Variants in LRRTM3 observed in about 807,000 individuals in gnomAD.
LRRTM3 encodes the protein leucine rich repeat transmembrane neuronal 3.
A neutral mutation model predicts 44.7 loss-of-function variants in LRRTM3; 24 were observed. The observed-to-expected ratio is 0.54, with a 90% CI of 0.39 to 0.76. LRRTM3 has a LOEUF of 0.76. Ranked by LOEUF, LRRTM3 falls within the 30% of genes least tolerant of loss-of-function variation. The pLI, the probability that LRRTM3 is intolerant of heterozygous loss-of-function variation, is 0.00. For missense variants in LRRTM3, 587 were observed against 702.2 expected (o/e 0.84, Z 1.85); for synonymous variants, 277 against 278.7 (o/e 0.99, Z 0.06).
At position 67,093,679 on chromosome 10, in the gene LRRTM3, C is replaced by A. The variant is rs576425505; in HGVS notation, c.1537-3908C>A. On this transcript the variant is annotated intron_variant, in intron 2 of 2. Transcript: ENST00000361320. Reference sequence around the variant, plus strand: ...CAACAAAACTGAAACTCCCCCCCAACAAAAGATTGCTGAATTCACAGTCGT... The same window carrying A: ...CAACAAAACTGAAACTCCCCCCCAAAAAAAGATTGCTGAATTCACAGTCGT... Among the ~76,000 whole-genome samples the A allele has an allele frequency of 2.0e-5, 3 of 151,954 alleles. No homozygotes were observed. The East Asian group carries it at 5.8e-4, about 30-fold the overall frequency.
At chr10:67,093,763 T>G (rs1857806407) in intron 2 of LRRTM3, among the ~76,000 whole-genome samples, 1 of 152,078 alleles carries the variant, frequency 6.6e-6, no homozygotes, top group Admixed American at 6.6e-5. Flanking sequence ...ATGCAGATTT[T>G]AATTTCTTAT....
At chr10:67,093,106 G>GTA (rs1857753944) in intron 2 of LRRTM3, among the ~76,000 whole-genome samples, 1 of 151,900 alleles carries the variant, frequency 6.6e-6, no homozygotes, top group African/African-American at 2.4e-5. Context: ...GTTTAGCAGG[G>GTA]TAAATTCATG....
chr10:66,947,541 C>T (rs149860197), intron 2 of LRRTM3, among the ~76,000 whole-genome samples: 1 of 152,098 alleles, frequency 6.6e-6, no homozygotes, highest in East Asian at 1.9e-4. Context: ...ACTCTGTCTC[C>T]CTCTCCCCTG....
intron 2 of LRRTM3, among the ~76,000 whole-genome samples, chr10:66,961,481 C>T (rs2132772495): frequency 6.6e-6 from 1 of 152,264 alleles, no homozygotes; most frequent in East Asian, 1.9e-4. Flanking sequence ...TTCTTCCAAC[C>T]TCACTGGGAC....
chr10:67,050,842 T>A lies in LRRTM3; in HGVS notation c.1537-46745T>A, dbSNP rs763502812. ...TCATCTATTCTGATATTTCAGTTTC[T>A]TAAAATATTTATGCAAAGTTTTGTT... On this transcript the variant is annotated intron_variant, in intron 2 of 2. Coordinates refer to ENST00000361320, the MANE Select transcript of LRRTM3 (RefSeq NM_178011.5). Among the ~76,000 whole-genome samples, 12 of 152,352 alleles carry A rather than the reference T, an allele frequency of 7.9e-5. No homozygotes were observed. The East Asian group carries it at 2.3e-3, about 29-fold the overall frequency.
At chr10:66,997,716 C>T (rs1851433929) in intron 2 of LRRTM3, among the ~76,000 whole-genome samples, 1 of 152,050 alleles carries the variant, frequency 6.6e-6, no homozygotes, top group African/African-American at 2.4e-5. Context: ...AATCTTATAC[C>T]TTATTCCGTC....
chr10:66,932,922 A>G (rs534989629), intron 2 of LRRTM3, among the ~76,000 whole-genome samples: 1 of 152,222 alleles, frequency 6.6e-6, no homozygotes, highest in Non-Finnish European at 1.5e-5. Flanking sequence ...TAAGACCTAA[A>G]TTCAAGTTCC....
At chr10:67,093,852 C>A (rs914947025) in intron 2 of LRRTM3, among the ~76,000 whole-genome samples, 1 of 151,934 alleles carries the variant, frequency 6.6e-6, no homozygotes, top group African/African-American at 2.4e-5. Context: ...GGCACTAACA[C>A]AAATTGTCAT....
intron 2 of LRRTM3, among the ~76,000 whole-genome samples, chr10:66,982,494 T>C (rs1412263436): frequency 1.3e-5 from 2 of 152,202 alleles, no homozygotes; most frequent in Non-Finnish European, 2.9e-5. Context: ...GTTTGGTGTA[T>C]AGCAGTTACT....
At chr10:67,009,367 C>T (rs1852188425) in intron 2 of LRRTM3, among the ~76,000 whole-genome samples, 1 of 151,670 alleles carries the variant, frequency 6.6e-6, no homozygotes, top group Non-Finnish European at 1.5e-5. Context: ...ACTTGGTTTT[C>T]AGTCACATTT....
In LRRTM3 at chr10:66,927,152, A is replaced by G; in HGVS notation, c.236A>G (p.Asn79Ser). 2 of 1,614,200 alleles carry G rather than the reference A, an allele frequency of 1.2e-6. No homozygotes were observed. Among genetic ancestry groups the G allele is most frequent in the Admixed American group, 1.7e-5 (1 of 60,032 alleles). Reference protein sequence around the residue: ...RYNSLQKLKYNQFKGLNQLTW... With the variant: ...RYNSLQKLKYSQFKGLNQLTW... ...AACAGCCTTCAAAAACTTAAGTATA[A>G]TCAATTTAAAGGGCTCAACCAGCTC... is the stretch of plus-strand genomic sequence containing the variant. Residue 79 changes from asparagine to serine, a missense_variant, in exon 2 of 3, where the codon AAT (asparagine) becomes AGT (serine). This residue lies in a region of LRRTM3 where 222 missense variants were observed against 323.3 expected (regional missense o/e 0.69). Coordinates refer to ENST00000361320, the MANE Select transcript of LRRTM3 (RefSeq NM_178011.5). The surrounding 1 kb of genome is among the most constrained non-coding windows in gnomAD (Gnocchi z 4.7).
chr10:66,978,824 T>G (rs1850233709), intron 2 of LRRTM3, among the ~76,000 whole-genome samples: 1 of 151,330 alleles, frequency 6.6e-6, no homozygotes, highest in South Asian at 2.1e-4. Context: ...TGGTCCTAAA[T>G]TATTGCTTAG....
intron 2 of LRRTM3, among the ~76,000 whole-genome samples, chr10:67,050,750 T>G (rs1855041220): frequency 6.6e-6 from 1 of 152,238 alleles, no homozygotes; most frequent in South Asian, 2.1e-4. Flanking sequence ...ATCAAATTAT[T>G]TACTTCGATT....
In LRRTM3 at chr10:66,928,362, T is replaced by C. The variant is rs372019114; in HGVS notation, c.1446T>C (p.Asp482=). Reference sequence around the variant, plus strand: ...CCAGCACCCAGGAATTTTATGTAGATTATAAACCCACCAACACGGAGACCA... The same window carrying C: ...CCAGCACCCAGGAATTTTATGTAGACTATAAACCCACCAACACGGAGACCA... The part of the protein sequence containing the change: ...MTPSTQEFYV[D]YKPTNTETSE... Residue 482 remains aspartate, a synonymous_variant, in exon 2 of 3, where the codon GAT becomes GAC. Coordinates refer to ENST00000361320, the MANE Select transcript of LRRTM3 (RefSeq NM_178011.5). 18 of 1,614,066 alleles carry C rather than the reference T, an allele frequency of 1.1e-5. No homozygotes were observed. The African/African-American group carries it at 2.4e-4, about 22-fold the overall frequency.
chr10:66,942,293 A>G (rs901956679), intron 2 of LRRTM3, among the ~76,000 whole-genome samples: 1 of 152,188 alleles, frequency 6.6e-6, no homozygotes, highest in African/African-American at 2.4e-5. Flanking sequence ...AATGTCCTTG[A>G]CGCTTACCAA....
intron 2 of LRRTM3, among the ~76,000 whole-genome samples, chr10:67,079,300 T>C (rs748043864): frequency 3.9e-5 from 6 of 152,178 alleles, no homozygotes; most frequent in Non-Finnish European, 7.3e-5. Flanking sequence ...ACAGACATCA[T>C]GGCCATGTAA....
At chr10:67,035,527 T>C (rs2133124909) in intron 2 of LRRTM3, among the ~76,000 whole-genome samples, 1 of 152,348 alleles carries the variant, frequency 6.6e-6, no homozygotes, top group South Asian at 2.1e-4. Flanking sequence ...ACTTGTTTTT[T>C]AATGTGAATC....
At chr10:67,054,356 G>A (rs1855294624) in intron 2 of LRRTM3, among the ~76,000 whole-genome samples, 1 of 152,120 alleles carries the variant, frequency 6.6e-6, no homozygotes, top group African/African-American at 2.4e-5. Context: ...GTTCCTTTAA[G>A]GGTAAGCTTT....
intron 2 of LRRTM3, among the ~76,000 whole-genome samples, chr10:67,021,445 T>C (rs780128820): frequency 2.0e-5 from 3 of 152,080 alleles, no homozygotes; most frequent in Non-Finnish European, 4.4e-5. Flanking sequence ...ATATAAAATT[T>C]TAAATACCGT....
Sources: gnomAD v4.1 joint callset for allele counts (sites outside exome capture counted in the v4.1 genomes callset) on GRCh38, gnomAD v4.1.1 for gene constraint, gnomAD v4.1.1 regional missense constraint, Gnocchi (gnomAD v3.1) non-coding constraint, MANE v1.5 for transcripts, NCBI Gene and HGNC (gene_info 2026-07-23, HGNC 2026-07-21) for gene names.